The following EPB41L5 variants were observed in gnomAD, a reference collection of about 807,000 sequenced individuals.
EPB41L5 encodes erythrocyte membrane protein band 4.1 like 5, also known as band 4.1-like protein 5.
Under a neutral mutation model 106.6 loss-of-function variants are expected in EPB41L5, and 55 were observed. The observed-to-expected ratio is 0.52, with a 90% CI of 0.42 to 0.65. The LOEUF (loss-of-function observed/expected upper bound fraction) is 0.65. Ranked by LOEUF, EPB41L5 falls within the 30% of genes least tolerant of loss-of-function variation. The pLI is 0.00. For synonymous variants in EPB41L5, 297 were observed against 306.7 expected (o/e 0.97, Z 0.33); for missense variants, 871 against 882.1 (o/e 0.99, Z 0.16).
intron 2 of EPB41L5, among the ~76,000 whole-genome samples, chr2:120,028,372 GAAAAT>G (rs777843683): frequency 6.6e-6 from 1 of 151,880 alleles, no homozygotes; most frequent in Admixed American, 6.6e-5. Flanking sequence ...CGTTTCAAAA[GAAAAT>G]AAAAGAAATT....
chr2:120,015,105 C>G (rs1349989841), intron 1 of EPB41L5, among the ~76,000 whole-genome samples: 1 of 150,856 alleles, frequency 6.6e-6, no homozygotes, highest in East Asian at 1.9e-4. Flanking sequence ...GGGCGGATCA[C>G]GAGGTCAGGA....
chr2:120,053,557 A>G (rs1297389894), intron 3 of EPB41L5, among the ~76,000 whole-genome samples: 1 of 152,174 alleles, frequency 6.6e-6, no homozygotes, highest in Non-Finnish European at 1.5e-5. Context: ...CTATTTTGAA[A>G]ATTTCATTTG....
At chr2:120,123,151 T>TG (rs1685305477) in intron 16 of EPB41L5, among the ~76,000 whole-genome samples, 1 of 144,388 alleles carries the variant, frequency 6.9e-6, no homozygotes, top group Non-Finnish European at 1.5e-5. Context: ...CAAAGTTTTG[T>TG]TTTTTTTTCA....
intron 1 of EPB41L5, among the ~76,000 whole-genome samples, chr2:120,017,843 G>A (rs1395514063): frequency 6.6e-6 from 1 of 152,140 alleles, no homozygotes; most frequent in African/African-American, 2.4e-5. Context: ...TGCCACCCGG[G>A]CTGGAGTGCA....
chr2:120,095,970 G>A (rs1553505879), intron 14 of EPB41L5, among the ~76,000 whole-genome samples: 1 of 151,620 alleles, frequency 6.6e-6, no homozygotes, highest in Non-Finnish European at 1.5e-5. Flanking sequence ...ACGCCCAGCC[G>A]GCTCCATTAA....
intron 18 of EPB41L5, among the ~76,000 whole-genome samples, chr2:120,138,456 AAAAC>A (rs1289065035): frequency 1.3e-5 from 2 of 152,070 alleles, no homozygotes; most frequent in Admixed American, 6.6e-5. Flanking sequence ...AAGAAAAAGA[AAAAC>A]AATTAGAACT....
intron 18 of EPB41L5, among the ~76,000 whole-genome samples, chr2:120,137,211 C>T (rs1053680621): frequency 4.6e-5 from 7 of 151,834 alleles, no homozygotes; most frequent in African/African-American, 1.2e-4. Flanking sequence ...ATCGATACAG[C>T]GAAAGCAGTA....
chr2:120,110,635 ATTT>A (rs1234465616), intron 16 of EPB41L5, among the ~76,000 whole-genome samples: 5 of 118,726 alleles, frequency 4.2e-5, no homozygotes, highest in African/African-American at 6.2e-5. Context: ...ACCTTCCCCT[ATTT>A]TTTTTTTTTT....
rs1230233213 is a variant in EPB41L5 at position 120,176,169 on chromosome 2, T to A, written c.*1262T>A. 1.3e-5 allele frequency: 2 copies of A among 152,636 alleles called. No homozygotes were observed. Among genetic ancestry groups the A allele is most frequent in the Admixed American group, 6.5e-5 (1 of 15,282 alleles). The allele number at this position is 152,636 out of a possible 1,614,324, so 9.5% of individuals were successfully genotyped here. ...AAATAACGCTATTTAGCTTTATAAT[T>A]TTCGAATGAACAAGGTAAACCTCGG... On this transcript the variant is annotated 3_prime_UTR_variant, in exon 25 of 25. Coordinates refer to ENST00000263713, the MANE Select transcript of EPB41L5 (RefSeq NM_020909.4).
At chr2:120,136,006 C>T (rs959281972) in intron 18 of EPB41L5, among the ~76,000 whole-genome samples, 27 of 148,924 alleles carry the variant, frequency 1.8e-4, no homozygotes, top group African/African-American at 6.4e-4. Flanking sequence ...GGCTAAAAGA[C>T]TATCAAAAAT....
chr2:120,165,822 G>A (rs962040458), intron 22 of EPB41L5, among the ~76,000 whole-genome samples: 1 of 152,022 alleles, frequency 6.6e-6, no homozygotes, highest in East Asian at 1.9e-4. Flanking sequence ...ACAAAAATTA[G>A]CCGGGGGTGG....
rs568644513 is a variant in EPB41L5, at chr2:120,101,976, A to G, written c.1337+1162A>G. On this transcript the variant is annotated intron_variant, in intron 16 of 24. Coordinates refer to ENST00000263713, the MANE Select transcript of EPB41L5 (RefSeq NM_020909.4). ...AGTGAGGCTTATAAATGTCAAATTT[A>G]TTTTTGAAAGTCATTTTTAGAAAGT... 2.0e-5 allele frequency among the ~76,000 whole-genome samples: 3 copies of G among 152,284 alleles called. No homozygotes were observed. The South Asian group carries it at 6.2e-4, about 32-fold the overall frequency.
chr2:120,167,544 C>A (rs1465693945), intron 23 of EPB41L5, 37 bp downstream of exon 23: 3 of 1,605,890 alleles, frequency 1.9e-6, no homozygotes, highest in Middle Eastern at 3.3e-4. Context: ...CTTCTGGCTA[C>A]CCTTTCAGGG....
intron 16 of EPB41L5, among the ~76,000 whole-genome samples, chr2:120,114,296 T>C (rs984077805): frequency 6.6e-6 from 1 of 152,216 alleles, no homozygotes; most frequent in Non-Finnish European, 1.5e-5. Flanking sequence ...TTAAGAGTTT[T>C]CAACTTATGA....
Position 120,110,874 on chromosome 2 carries a change from G to T in EPB41L5, c.1337+10060G>T, listed in dbSNP as rs151185177. Reference sequence around the variant, plus strand: ...TGGTCTCAAACCCCTGGCCTCAAATGATCCTGATCTGCCCGCCTTGGCCTC... The same window carrying T: ...TGGTCTCAAACCCCTGGCCTCAAATTATCCTGATCTGCCCGCCTTGGCCTC... On this transcript the variant is annotated intron_variant, in intron 16 of 24. Coordinates refer to ENST00000263713, the MANE Select transcript of EPB41L5 (RefSeq NM_020909.4). 6.8e-4 allele frequency among the ~76,000 whole-genome samples: 104 copies of T among 152,072 alleles called. 3 individuals carry two copies. In the East Asian group the frequency reaches 0.012, roughly 18 times the overall value.
chr2:120,131,468 G>C, intron 17 of EPB41L5, 150 bp from the exon 18 acceptor site: 1 of 603,868 alleles, frequency 1.7e-6, no homozygotes, highest in African/African-American at 1.9e-5. Flanking sequence ...GTTATGGAAA[G>C]AAAATATATT....
At chr2:120,022,238 G>T (rs1364477843) in intron 2 of EPB41L5, among the ~76,000 whole-genome samples, 1 of 151,980 alleles carries the variant, frequency 6.6e-6, no homozygotes, top group African/African-American at 2.4e-5. Flanking sequence ...GAACGTGCAG[G>T]TTTATTACAT....
chr2:120,121,365 G>A lies in EPB41L5; in HGVS notation c.1338-6323G>A, dbSNP rs912839954. On this transcript the variant is annotated intron_variant, in intron 16 of 24. Coordinates refer to ENST00000263713, the MANE Select transcript of EPB41L5 (RefSeq NM_020909.4). Reference sequence around the variant, plus strand: ...CTATCCCTCCCCCACTCCCCCTCCCGACAGGCCCCAGTGTGTGGTGTTCCC... The same window carrying A: ...CTATCCCTCCCCCACTCCCCCTCCCAACAGGCCCCAGTGTGTGGTGTTCCC... 2.0e-5 allele frequency among the ~76,000 whole-genome samples: 3 copies of A among 151,156 alleles called. No homozygotes were observed. In the East Asian group the frequency reaches 5.8e-4, roughly 29 times the overall value.
chr2:120,123,295 T>C (rs1042879990), intron 16 of EPB41L5, among the ~76,000 whole-genome samples: 2 of 152,116 alleles, frequency 1.3e-5, no homozygotes, highest in African/African-American at 4.8e-5. Flanking sequence ...GGTGTTTTGG[T>C]TTTCATTTTC....
Sources: allele counts gnomAD v4.1 joint callset (sites outside exome capture counted in the v4.1 genomes callset), GRCh38; gene constraint gnomAD v4.1.1; transcripts MANE v1.5; gene names NCBI Gene and HGNC (gene_info 2026-07-23, HGNC 2026-07-21).